Variants in USH1C observed in about 807,000 individuals in gnomAD.
The protein encoded by USH1C is harmonin.
In USH1C, 90 loss-of-function variants were observed where a neutral mutation model predicts 119.3. The ratio of observed to expected loss-of-function variants is 0.75; its 90% CI spans 0.64 to 0.90. The LOEUF (loss-of-function observed/expected upper bound fraction) is 0.90. Among genes scored for constraint, USH1C ranks in the 40% least tolerant of loss-of-function variants. USH1C has a pLI of 0.00. For synonymous variants in USH1C, 465 were observed against 443.3 expected, an observed-to-expected ratio of 1.05 and a Z score of -0.62; for missense variants, 1,165 against 1,167.7, an observed-to-expected ratio of 1.00 and a Z score of 0.03.
At chr11:17,507,045 C>A (rs538143416) in intron 18 of USH1C, among the ~76,000 whole-genome samples, 1 of 152,198 alleles carries the variant, frequency 6.6e-6, no homozygotes, top group Admixed American at 6.5e-5. Flanking sequence ...CCCCTATGGC[C>A]GGTGCTGGTG....
intron 1 of USH1C, among the ~76,000 whole-genome samples, chr11:17,536,094 T>C (rs892050418): frequency 1.4e-4 from 21 of 152,224 alleles, no homozygotes; most frequent in Admixed American, 6.5e-5. Context: ...TGGTCTATAA[T>C]GAGTGAGAAA....
intron 24 of USH1C, 114 bp downstream of exon 24, chr11:17,498,048 G>T: frequency 2.3e-6 from 2 of 876,298 alleles, no homozygotes; most frequent in Non-Finnish European, 1.9e-6. Context: ...AGTGTTGCCT[G>T]GACTCCAGAT....
chr11:17,526,449 A>G lies in USH1C; in HGVS notation c.580-8T>C. Reference sequence around the variant, plus strand: ...CAGGCTGCCTCGCACGCCCTGAAAGAGAGATAGAAGCAGAATCACGGAGTG... The same window carrying G: ...CAGGCTGCCTCGCACGCCCTGAAAGGGAGATAGAAGCAGAATCACGGAGTG... On this transcript the variant is annotated splice_polypyrimidine_tract_variant and splice_region_variant and intron_variant, in intron 7 of 26. Transcript: ENST00000005226. 6.2e-7 allele frequency: 1 copy of G among 1,613,046 alleles called. No individual in the cohort carries two copies. Among genetic ancestry groups the G allele is most frequent in the Non-Finnish European group, 8.5e-7 (1 of 1,179,296 alleles).
chr11:17,543,184 C>G (rs1007736784), intron 1 of USH1C, among the ~76,000 whole-genome samples: 1 of 152,256 alleles, frequency 6.6e-6, no homozygotes, highest in Admixed American at 6.5e-5. Context: ...GGCCCCTACA[C>G]TGGCTAGCTC....
At chr11:17,512,460 A>T (rs1325234598) in intron 15 of USH1C, among the ~76,000 whole-genome samples, 1 of 152,218 alleles carries the variant, frequency 6.6e-6, no homozygotes, top group African/African-American at 2.4e-5. Flanking sequence ...TAAAATAAAA[A>T]AATAAATAAG....
At position 17,511,911 on chromosome 11, in the gene USH1C, C is replaced by T; in HGVS notation, c.1404G>A (p.Leu468=). 1 of 1,613,768 alleles carries T rather than the reference C, an allele frequency of 6.2e-7. No homozygotes were observed. The highest frequency in any genetic ancestry group is 8.5e-7 in the Non-Finnish European group (1 of 1,179,902). Reference sequence around the variant, plus strand: ...CAGGCAGGACACATACCTCCTGGGCCAGCCGGTTGATCTTTAGCTGCTTTT... The same window carrying T: ...CAGGCAGGACACATACCTCCTGGGCTAGCCGGTTGATCTTTAGCTGCTTTT... ...EKEKQLKINR[L]AQEVSETERE... is the part of the protein sequence containing the mutation. The change falls in exon 16 of 27, where the codon CTG becomes CTA. Residue 468 remains leucine (L), a synonymous_variant. Coordinates refer to ENST00000005226, the MANE Select transcript of USH1C (RefSeq NM_153676.4).
At chr11:17,500,087 G>T (rs1259835602) in intron 23 of USH1C, among the ~76,000 whole-genome samples, 1 of 151,848 alleles carries the variant, frequency 6.6e-6, no homozygotes, top group Non-Finnish European at 1.5e-5. Context: ...CAGGTGAACG[G>T]GGTGATGGTT....
At chr11:17,501,423 G>A in intron 22 of USH1C, 59 bp downstream of exon 22, 1 of 1,577,124 alleles carries the variant, frequency 6.3e-7, no homozygotes. Flanking sequence ...GGAGACCAAG[G>A]GAGGAGGGGC....
At chr11:17,498,896 T>C (rs1001062834) in intron 23 of USH1C, among the ~76,000 whole-genome samples, 1 of 152,244 alleles carries the variant, frequency 6.6e-6, no homozygotes, top group Non-Finnish European at 1.5e-5. Context: ...AGGGATTGTC[T>C]TTTTGGTTCA....
At chr11:17,494,612 T>C (rs1849180765) in intron 26 of USH1C, 3 of 596,256 alleles carry the variant, frequency 5.0e-6, no homozygotes, top group African/African-American at 1.8e-5. Context: ...AGGAGGAGAC[T>C]GGGAGGAACA....
At chr11:17,523,888 C>T (rs376645605) in intron 9 of USH1C, among the ~76,000 whole-genome samples, 2 of 152,300 alleles carry the variant, frequency 1.3e-5, no homozygotes, top group African/African-American at 4.8e-5. Flanking sequence ...CTCTAGTATA[C>T]ATATTAATTA....
At chr11:17,523,124 C>G in intron 11 of USH1C, 87 bp downstream of exon 11, 1 of 1,601,784 alleles carries the variant, frequency 6.2e-7, no homozygotes, top group Non-Finnish European at 8.6e-7. Context: ...GGAGACCAGC[C>G]ACCCTGGGAG....
intron 1 of USH1C, 35 bp from the exon 2 acceptor site, chr11:17,533,357 C>A (rs770727083): frequency 2.0e-6 from 3 of 1,483,486 alleles, no homozygotes; most frequent in South Asian, 1.1e-5. Context: ...CAGCTCCAGG[C>A]TCAGCACCCG....
At chr11:17,529,626 G>A (rs898876264) in intron 4 of USH1C, among the ~76,000 whole-genome samples, 3 of 152,192 alleles carry the variant, frequency 2.0e-5, no homozygotes, top group African/African-American at 4.8e-5. Context: ...AACCCCAGTC[G>A]GAATGATTCC....
rs1326060363 is a variant in USH1C at position 17,509,389 on chromosome 11, A to C, written c.1980T>G (p.Pro660=). The C allele has an allele frequency of 6.3e-7, 1 of 1,594,722 alleles. No homozygotes were observed. The highest frequency in any genetic ancestry group is 8.6e-7 in the Non-Finnish European group (1 of 1,167,432). ...TGGGTGGGAAGCTCTGTTCAGGGAC[A>C]GGGGAGTTAGTGGGCTTCCCACTGT... ...KNHSGKPTNS[P]VPEQSFPPTP... The change falls in exon 18 of 27, where the codon CCT becomes CCG. Residue 660 remains proline (P), a synonymous_variant. Coordinates refer to ENST00000005226, the MANE Select transcript of USH1C (RefSeq NM_153676.4).
intron 15 of USH1C, among the ~76,000 whole-genome samples, chr11:17,513,227 C>T (rs772795021): frequency 6.6e-6 from 1 of 152,130 alleles, no homozygotes; most frequent in Non-Finnish European, 1.5e-5. Context: ...CAGCCCCTAT[C>T]ACACACAGCG....
rs200949150 is a variant in USH1C at position 17,512,042 on chromosome 11, T to C, written c.1273A>G (p.Lys425Glu). The C allele has an allele frequency of 1.2e-6, 2 of 1,614,252 alleles. No homozygotes were observed. Among genetic ancestry groups the C allele is most frequent in the Admixed American group, 3.3e-5 (2 of 60,032 alleles). Residue 425 changes from lysine to glutamate, a missense_variant, in exon 16 of 27, where the codon AAG becomes GAG. Lys to Glu is a moderately conservative substitution (Grantham distance 56). Transcript: ENST00000005226. The stretch of plus-strand genomic sequence containing the variant: ...AGGCTGCCATACTTGGCTTTCTTCT[T>C]ATCTTTTCCTTTCTGAGTAGATGTG... Reference protein sequence around the residue: ...FPTIRKKGKDKKKAKYGSLQD... With the variant: ...FPTIRKKGKDEKKAKYGSLQD...
rs750194699 is a variant in USH1C, at chr11:17,517,351, G to C, written c.1211-1061C>G. Reference sequence around the variant, plus strand: ...CTGCACTGCGGTCAGGAGGAGGCGGGCAGGGTAAAGCAGAGCAGCCAGGCC... The same window carrying C: ...CTGCACTGCGGTCAGGAGGAGGCGGCCAGGGTAAAGCAGAGCAGCCAGGCC... On this transcript the variant is annotated intron_variant, in intron 14 of 26. Coordinates refer to ENST00000005226, the MANE Select transcript of USH1C (RefSeq NM_153676.4). The C allele has an allele frequency of 5.8e-6, 9 of 1,539,974 alleles. No homozygotes were observed. The Admixed American group carries it at 1.4e-4, about 23-fold the overall frequency.
At chr11:17,510,844 G>C (rs1201592861) in intron 16 of USH1C, among the ~76,000 whole-genome samples, 1 of 152,176 alleles carries the variant, frequency 6.6e-6, no homozygotes, top group Non-Finnish European at 1.5e-5. Context: ...TGGAGTTTTT[G>C]TAGCCTCCCC....
Sources: gnomAD v4.1 joint callset for allele counts (sites outside exome capture counted in the v4.1 genomes callset) on GRCh38, gnomAD v4.1.1 for gene constraint, MANE v1.5 for transcripts, NCBI Gene and HGNC (gene_info 2026-07-23, HGNC 2026-07-21) for gene names.